COL4A1: variants seen among roughly 807,000 people sequenced by gnomAD.
The protein encoded by COL4A1 is collagen type IV alpha 1 chain.
A neutral mutation model predicts 216.6 loss-of-function variants in COL4A1; 40 were observed. The observed-to-expected ratio is 0.18, with a 90% CI of 0.14 to 0.24. The LOEUF is 0.24. COL4A1 is among the 10% of genes least tolerant of loss of function. The pLI, the probability that COL4A1 is intolerant of heterozygous loss-of-function variation, is 1.00. For missense variants in COL4A1, 1,628 were observed against 2,196.8 expected (o/e 0.74, Z 5.18); for synonymous variants, 839 against 810.7 (o/e 1.03, Z -0.59).
At position 110,213,963 on chromosome 13, in the gene COL4A1, T is replaced by C. The variant is rs765863981; in HGVS notation, c.197A>G (p.Gln66Arg). 1.3e-5 allele frequency: 21 copies of C among 1,614,092 alleles called. No individual in the cohort carries two copies. Among genetic ancestry groups the C allele is most frequent in the African/African-American group, 1.3e-5 (1 of 75,012 alleles). ...LQGVIGFPGMQGPEGPQGPPG... is the reference protein window; with the variant it reads ...LQGVIGFPGMRGPEGPQGPPG... ...TGGTCCCTGTGGCCCCTCAGGTCCT[T>C]GCATTCCAGGAAACCCAATGACACC... Residue 66 changes from glutamine to arginine, a missense_variant, in exon 3 of 52, where the codon CAA (glutamine) becomes CGA (arginine). Physicochemically the swap from Gln to Arg is conservative, Grantham distance 43 (BLOSUM62 1). Coordinates refer to ENST00000375820, the MANE Select transcript of COL4A1 (RefSeq NM_001845.6).
chr13:110,230,183 C>T (rs34501315), intron 2 of COL4A1, among the ~76,000 whole-genome samples: 7,299 of 151,720 alleles, frequency 0.048, 316 homozygotes, highest in Admixed American at 0.11. Flanking sequence ...AGTGTGTGCC[C>T]GTGGTGTGGG....
chr13:110,232,489 A>G (rs1039039293), intron 2 of COL4A1, among the ~76,000 whole-genome samples: 1 of 152,290 alleles, frequency 6.6e-6, no homozygotes, highest in African/African-American at 2.4e-5. Flanking sequence ...GGAAAATCCC[A>G]TTGCCCAGTT....
At chr13:110,210,537 T>C (rs1443500322) in intron 8 of COL4A1, among the ~76,000 whole-genome samples, 2 of 152,160 alleles carry the variant, frequency 1.3e-5, no homozygotes, top group African/African-American at 2.4e-5. Flanking sequence ...GAAAGACTAC[T>C]GCGTGACCAC....
At position 110,152,307 on chromosome 13, in the gene COL4A1, C is replaced by G. The variant is rs770370745; in HGVS notation, c.4928+27G>C. 4 of 1,613,608 alleles carry G rather than the reference C, an allele frequency of 2.5e-6. No individual in the cohort carries two copies. The African/African-American group carries it at 5.3e-5, about 22-fold the overall frequency. ...ATAAAGTCACAAAGGGGCCAGCAGC[C>G]TGCAAAAAAGCAGTGCTCCCACTTA... On this transcript the variant is annotated intron_variant, in intron 51 of 51. Transcript: ENST00000375820.
intron 2 of COL4A1, among the ~76,000 whole-genome samples, chr13:110,217,372 G>C (rs1241092442): frequency 6.6e-6 from 1 of 152,162 alleles, no homozygotes; most frequent in Non-Finnish European, 1.5e-5. Flanking sequence ...CTACTAACGT[G>C]ACCACAGTGA....
chr13:110,179,878 G>A lies in COL4A1; in HGVS notation c.2194-457C>T, dbSNP rs996695034. 2.6e-5 allele frequency among the ~76,000 whole-genome samples: 4 copies of A among 152,260 alleles called. No homozygotes were observed. The East Asian group carries it at 5.8e-4, about 22-fold the overall frequency. On this transcript the variant is annotated intron_variant, in intron 29 of 51. Coordinates refer to ENST00000375820, the MANE Select transcript of COL4A1 (RefSeq NM_001845.6). ...TTATTTAGTTTTTTGGATTAATGAA[G>A]GTTTCACAGTAAATTAAGCATTTTA... is the stretch of plus-strand genomic sequence containing the variant.
chr13:110,208,992 C>T, intron 11 of COL4A1, 102 bp from the exon 12 acceptor site: 3 of 1,200,854 alleles, frequency 2.5e-6, no homozygotes, highest in Non-Finnish European at 3.7e-6. Context: ...AGATTTCAGG[C>T]AATAGCTTTG....
intron 1 of COL4A1, among the ~76,000 whole-genome samples, chr13:110,288,622 T>C (rs1883944753): frequency 6.6e-6 from 1 of 152,230 alleles, no homozygotes; most frequent in Non-Finnish European, 1.5e-5. Context: ...TGAACACTGA[T>C]TAACCCTGAC....
At chr13:110,304,894 C>A (rs1187327416) in intron 1 of COL4A1, among the ~76,000 whole-genome samples, 1 of 152,174 alleles carries the variant, frequency 6.6e-6, no homozygotes, top group Non-Finnish European at 1.5e-5. Context: ...GAATGAGGAT[C>A]TGATCAAATC....
intron 43 of COL4A1, among the ~76,000 whole-genome samples, chr13:110,168,504 A>T (rs991515622): frequency 6.6e-6 from 1 of 152,210 alleles, no homozygotes; most frequent in Admixed American, 6.5e-5. Context: ...GGTAAACATG[A>T]CTGTTGCTAC....
chr13:110,271,196 C>T (rs968402709), intron 1 of COL4A1, among the ~76,000 whole-genome samples: 5 of 152,118 alleles, frequency 3.3e-5, no homozygotes, highest in South Asian at 4.2e-4. Context: ...ACAAATGAGA[C>T]GGGATGGAGA....
At chr13:110,232,956 G>T (rs1394788110) in intron 2 of COL4A1, among the ~76,000 whole-genome samples, 2 of 152,156 alleles carry the variant, frequency 1.3e-5, no homozygotes, top group Non-Finnish European at 2.9e-5. Context: ...AGGAAGTGGA[G>T]CTGGAAACGA....
chr13:110,299,399 T>C (rs1029103731), intron 1 of COL4A1, among the ~76,000 whole-genome samples: 3 of 152,240 alleles, frequency 2.0e-5, no homozygotes, highest in Non-Finnish European at 4.4e-5. Flanking sequence ...GTGTGGGCCC[T>C]TCCAGCCCCA....
At chr13:110,177,963 T>G in intron 32 of COL4A1, 32 bp from the exon 33 acceptor site, 1 of 1,614,028 alleles carries the variant, frequency 6.2e-7, no homozygotes, top group Non-Finnish European at 8.5e-7. Context: ...GTGAACATTT[T>G]CTTGCTCTGA....
chr13:110,175,355 T>C lies in COL4A1; in HGVS notation c.3061A>G (p.Thr1021Ala). The C allele has an allele frequency of 6.2e-7, 1 of 1,614,166 alleles. No homozygotes were observed. The highest frequency in any genetic ancestry group is 8.5e-7 in the Non-Finnish European group (1 of 1,180,028). Residue 1021 changes from threonine (T) to alanine (A), a missense_variant and splice_region_variant, in exon 37 of 52, where the codon ACA (threonine) becomes GCA (alanine). Thr to Ala is a moderately conservative substitution (Grantham distance 58, BLOSUM62 0). This residue lies in a region of COL4A1 where 58 missense variants were observed against 132.5 expected (regional missense o/e 0.44). Transcript: ENST00000375820. ...CCAGGCACACCTTTCTCTCCAGGTGTTCCTATAAACACAAACAATTGAAAC... is the reference window on the plus strand; with the variant it reads ...CCAGGCACACCTTTCTCTCCAGGTGCTCCTATAAACACAAACAATTGAAAC... ...GSVGGMGLPG[T>A]PGEKGVPGIP...
intron 2 of COL4A1, among the ~76,000 whole-genome samples, chr13:110,232,865 C>T (rs1881129377): frequency 6.6e-6 from 1 of 152,128 alleles, no homozygotes; most frequent in Admixed American, 6.6e-5. Flanking sequence ...CAAGAGCCAT[C>T]AATTTGTATG....
At chr13:110,235,321 G>C (rs1340204867) in intron 2 of COL4A1, among the ~76,000 whole-genome samples, 1 of 152,074 alleles carries the variant, frequency 6.6e-6, no homozygotes, top group Non-Finnish European at 1.5e-5. Flanking sequence ...TAATTTATAG[G>C]AAAAATTTTT....
intron 1 of COL4A1, among the ~76,000 whole-genome samples, chr13:110,286,259 G>C (rs1380506379): frequency 6.6e-6 from 1 of 152,204 alleles, no homozygotes; most frequent in Non-Finnish European, 1.5e-5. Context: ...AGGGGAAATG[G>C]GGGCTTGGGA....
intron 10 of COL4A1, 141 bp downstream of exon 10, chr13:110,209,839 A>G (rs748005612): frequency 6.7e-6 from 7 of 1,041,916 alleles, no homozygotes; most frequent in Non-Finnish European, 9.0e-6. Context: ...ACGTTTAGTA[A>G]GAGGGAAGCT....
Sources: allele counts gnomAD v4.1 joint callset (sites outside exome capture counted in the v4.1 genomes callset), GRCh38; gene constraint gnomAD v4.1.1; regional missense constraint gnomAD v4.1.1; transcripts MANE v1.5; gene names NCBI Gene and HGNC (gene_info 2026-07-23, HGNC 2026-07-21).